CHRNA5: variants seen among roughly 807,000 people sequenced by gnomAD.
CHRNA5 encodes the protein neuronal acetylcholine receptor subunit alpha-5.
CHRNA5 carries 28 observed loss-of-function variants against 41.2 expected under a neutral mutation model. The ratio of observed to expected loss-of-function variants is 0.68; its 90% CI spans 0.50 to 0.93. The LOEUF (loss-of-function observed/expected upper bound fraction) is 0.93, where lower values mean the gene tolerates loss of function less well. CHRNA5 is among the 40% of genes least tolerant of loss of function. CHRNA5 has a pLI of 0.00. For synonymous variants in CHRNA5, 188 were observed against 205.8 expected, an observed-to-expected ratio of 0.91 and a Z score of 0.74; for missense variants, 481 against 581.9, an observed-to-expected ratio of 0.83 and a Z score of 1.78.
exon 5 of CHRNA5, chr15:78,589,881 G>A: frequency 6.2e-7 from 1 of 1,613,990 alleles, no homozygotes; most frequent in Non-Finnish European, 8.5e-7. Context: ...GACTCCACCG[G>A]CAAACTACAA....
At chr15:78,589,023 T>A (rs190327103) in intron 4 of CHRNA5, 2 of 152,332 alleles carry the variant, frequency 1.3e-5, no homozygotes, top group African/African-American at 4.8e-5. Flanking sequence ...CCATTTGGCA[T>A]GAGGACAGAG....
In CHRNA5 at chr15:78,590,640, T is replaced by C; in HGVS notation, c.1245+4T>C. The C allele has an allele frequency of 6.3e-7, 1 of 1,594,156 alleles. No homozygotes were observed. The highest frequency in any genetic ancestry group is 8.6e-7 in the Non-Finnish European group (1 of 1,169,576). ...GAAGGAAAATGATGTCCGTGAGGTC[T>C]GTGATGTGTATTTACAAATGCAGAT... On this transcript the variant is annotated splice_donor_region_variant and intron_variant, in intron 5 of 5. Transcript: ENST00000299565.
At chr15:78,583,011 G>A (rs1192739066) in intron 2 of CHRNA5, among the ~76,000 whole-genome samples, 1 of 152,086 alleles carries the variant, frequency 6.6e-6, no homozygotes, top group Non-Finnish European at 1.5e-5. Context: ...CCATAAGACA[G>A]CCTCTCCTGT....
chr15:78,568,607 A>G (rs2052771180), intron 1 of CHRNA5, among the ~76,000 whole-genome samples: 1 of 152,020 alleles, frequency 6.6e-6, no homozygotes, highest in Non-Finnish European at 1.5e-5. Context: ...TGCATTAGGT[A>G]TTTGTCCTAA....
At position 78,585,450 on chromosome 15, in the gene CHRNA5, C is replaced by T. The variant is rs529165292; in HGVS notation, c.259-1195C>T. The stretch of plus-strand genomic sequence containing the variant: ...TACCTGAGGTATTAATATTTATTTA[C>T]ACCCCTGTCCTATCTCCCCAGTTTC... On this transcript the variant is annotated intron_variant, in intron 2 of 5. Transcript: ENST00000299565. Among the ~76,000 whole-genome samples the T allele has an allele frequency of 1.1e-4, 16 of 152,284 alleles. 2 individuals carry two copies. In the South Asian group the frequency reaches 2.5e-3, roughly 24 times the overall value.
chr15:78,578,469 T>C (rs544573420), intron 1 of CHRNA5, among the ~76,000 whole-genome samples: 79 of 152,306 alleles, frequency 5.2e-4, no homozygotes, highest in African/African-American at 1.8e-3. Context: ...ATCACACCAC[T>C]GCACTCCAGC....
At chr15:78,585,673 G>A (rs566192219) in intron 2 of CHRNA5, among the ~76,000 whole-genome samples, 1 of 152,124 alleles carries the variant, frequency 6.6e-6, no homozygotes, top group Admixed American at 6.6e-5. Context: ...GCAGAGAGGT[G>A]TAAGTGAGAA....
intron 1 of CHRNA5, among the ~76,000 whole-genome samples, chr15:78,574,616 A>G (rs1410426233): frequency 6.6e-6 from 1 of 152,172 alleles, no homozygotes; most frequent in Non-Finnish European, 1.5e-5. Context: ...TAATGAATCA[A>G]AAAGTCGTTG....
chr15:78,593,781 C>G (rs949201415), exon 6 of CHRNA5: 1 of 152,194 alleles, frequency 6.6e-6, no homozygotes, highest in African/African-American at 2.4e-5. Context: ...TGGCTCACAC[C>G]TGTAATCCCA....
At chr15:78,582,004 A>G (rs2052916941) in intron 2 of CHRNA5, among the ~76,000 whole-genome samples, 2 of 152,206 alleles carry the variant, frequency 1.3e-5, no homozygotes, top group Admixed American at 1.3e-4. Context: ...ATATTTGTAC[A>G]CAAATGCCTG....
intron 1 of CHRNA5, among the ~76,000 whole-genome samples, chr15:78,580,279 C>CAAAAA (rs71148541): frequency 0.11 from 6,643 of 61,838 alleles, 884 homozygotes; most frequent in East Asian, 0.31. Flanking sequence ...GACTCCGTCT[C>CAAAAA]AAAAAAAAAA....
At chr15:78,590,514 A>G (rs1356157688) in exon 5 of CHRNA5, 1 of 1,614,190 alleles carries the variant, frequency 6.2e-7, no homozygotes, top group South Asian at 1.1e-5. Context: ...CAGGTACTTC[A>G]CTCAGAAAGA....
chr15:78,586,645 GA>G lies in CHRNA5; in HGVS notation c.260del (p.Asp87ValfsTer6). ...TTATTTAAATTTTTATTTTTTAAAG[GA>G]TGAGAAAAATCAGTTAATGACAACA... On this transcript the variant is annotated frameshift_variant and splice_region_variant, in exon 3 of 6. Coordinates refer to ENST00000299565, the Ensembl canonical transcript of CHRNA5. LOFTEE classifies it high-confidence loss of function. The G allele has an allele frequency of 6.4e-7, 1 of 1,564,206 alleles. No homozygotes were observed. Among genetic ancestry groups the G allele is most frequent in the Non-Finnish European group, 8.7e-7 (1 of 1,147,756 alleles).
chr15:78,574,109 G>A (rs977572414), intron 1 of CHRNA5, among the ~76,000 whole-genome samples: 1 of 150,886 alleles, frequency 6.6e-6, no homozygotes, highest in Non-Finnish European at 1.5e-5. Context: ...CACCGTGCCC[G>A]GCCTAGAATT....
chr15:78,566,665 T>C (rs2052750753), intron 1 of CHRNA5, among the ~76,000 whole-genome samples: 1 of 152,228 alleles, frequency 6.6e-6, no homozygotes, highest in African/African-American at 2.4e-5. Flanking sequence ...GTTTCTTAAA[T>C]AGTGGAAATA....
At chr15:78,569,432 A>G (rs976514220) in intron 1 of CHRNA5, among the ~76,000 whole-genome samples, 1 of 137,392 alleles carries the variant, frequency 7.3e-6, no homozygotes, top group Non-Finnish European at 1.6e-5. Flanking sequence ...AAATATTGGA[A>G]TTTTTTTTTT....
chr15:78,570,111 C>A (rs7172118), intron 1 of CHRNA5, among the ~76,000 whole-genome samples: 38,748 of 152,054 alleles, frequency 0.25, 5,983 homozygotes, highest in Middle Eastern at 0.41. Flanking sequence ...CGTGAGCCAC[C>A]GCGCCTGGCC....
exon 6 of CHRNA5, chr15:78,594,570 CAA>C (rs756191800): frequency 6.6e-5 from 10 of 152,276 alleles, no homozygotes; most frequent in Non-Finnish European, 1.5e-4. Flanking sequence ...CCCAGCTACT[CAA>C]GAGGCTGAGG....
At chr15:78,570,845 A>AG (rs1376234344) in intron 1 of CHRNA5, among the ~76,000 whole-genome samples, 1 of 152,108 alleles carries the variant, frequency 6.6e-6, no homozygotes, top group Non-Finnish European at 1.5e-5. Context: ...TTGTTGTCAG[A>AG]GGGGGGCGTC....
Sources: allele counts gnomAD v4.1 joint callset (sites outside exome capture counted in the v4.1 genomes callset), GRCh38; gene constraint gnomAD v4.1.1; transcripts MANE v1.5; gene names NCBI Gene and HGNC (gene_info 2026-07-23, HGNC 2026-07-21).